PCF11: variants seen among roughly 807,000 people sequenced by gnomAD.
The protein encoded by PCF11 is pre-mRNA cleavage complex 2 protein Pcf11.
A neutral mutation model predicts 166.1 loss-of-function variants in PCF11; 19 were observed. The ratio of observed to expected loss-of-function variants is 0.11; its 90% CI spans 0.08 to 0.17. The LOEUF (loss-of-function observed/expected upper bound fraction) is 0.17. Among genes scored for constraint, PCF11 ranks in the 10% least tolerant of loss-of-function variants. The pLI is 1.00. For synonymous variants in PCF11, 663 were observed against 644.1 expected (o/e 1.03, Z -0.44); for missense variants, 1,565 against 1,855.5 (o/e 0.84, Z 2.88).
exon 8 of PCF11, chr11:83,168,609 A>G (rs1860558875): frequency 6.2e-7 from 1 of 1,614,034 alleles, no homozygotes; most frequent in East Asian, 2.2e-5. Flanking sequence ...CTAGTAGGCC[A>G]TCAGTAGCAA....
intron 9 of PCF11, 34 bp downstream of exon 9, chr11:83,171,948 C>T (rs1860704940): frequency 1.0e-6 from 1 of 994,532 alleles, no homozygotes; most frequent in African/African-American, 1.7e-5. Flanking sequence ...TTTCAAAAGA[C>T]AAATGATTAT....
At chr11:83,186,957 G>A (rs145830558) in exon 16 of PCF11, 1 of 152,388 alleles carries the variant, frequency 6.6e-6, no homozygotes, top group Non-Finnish European at 1.5e-5. Flanking sequence ...ATGGAGAAGA[G>A]GGTCAAGGAT....
intron 4 of PCF11, among the ~76,000 whole-genome samples, chr11:83,164,932 TATAAA>T (rs1305874594): frequency 1.3e-5 from 2 of 152,214 alleles, no homozygotes; most frequent in Non-Finnish European, 2.9e-5. Flanking sequence ...ATTGCTATCT[TATAAA>T]ATAGCATCTT....
At chr11:83,173,725 T>TTTTTTTTTTTTTTTTTTTTTTTTTTTTG in intron 9 of PCF11, among the ~76,000 whole-genome samples, 1 of 101,994 alleles carries the variant, frequency 9.8e-6, no homozygotes, top group Non-Finnish European at 2.0e-5. Flanking sequence ...CTTTCTTTTT[T>TTTTTTTTTTTTTTTTTTTTTTTTTTTTG]TTTTTTTTTT....
chr11:83,173,926 T>G (rs1860786850), intron 9 of PCF11, among the ~76,000 whole-genome samples: 1 of 151,948 alleles, frequency 6.6e-6, no homozygotes, highest in Non-Finnish European at 1.5e-5. Flanking sequence ...AGGCAGAGTT[T>G]CACCATATTG....
At position 83,167,098 on chromosome 11, in the gene PCF11, T is replaced by G. The variant is rs767239432; in HGVS notation, c.1818-27T>G. The G allele has an allele frequency of 3.2e-6, 5 of 1,548,878 alleles. No individual in the cohort carries two copies. ...AGTATTTTTTAAAAAAACATTTCAA[T>G]GTAACATACTGCTTTTATGGTTTCA... On this transcript the variant is annotated intron_variant, in intron 5 of 15. Coordinates refer to ENST00000298281, the Ensembl canonical transcript of PCF11. This position sits in a 1 kb window ranked among gnomAD's most constrained non-coding sequence, Gnocchi z 4.2.
At chr11:83,171,411 C>A in intron 8 of PCF11, 1 of 368,596 alleles carries the variant, frequency 2.7e-6, no homozygotes, top group Non-Finnish European at 5.2e-6. Context: ...GTGTATAGAT[C>A]ATATTGCATT....
chr11:83,157,153 A>G (rs535265085), exon 1 of PCF11: 23 of 570,196 alleles, frequency 4.0e-5, no homozygotes, highest in East Asian at 2.6e-4. Flanking sequence ...GGTTGGGAAC[A>G]CAGACATTTT....
At chr11:83,159,472 G>C (rs1371785625) in intron 1 of PCF11, among the ~76,000 whole-genome samples, 1 of 152,070 alleles carries the variant, frequency 6.6e-6, no homozygotes, top group Non-Finnish European at 1.5e-5. Context: ...GTTTTTAATG[G>C]ATCCGGAAGA....
intron 3 of PCF11, 95 bp downstream of exon 3, chr11:83,163,962 C>G (rs1860353617): frequency 3.3e-6 from 2 of 601,258 alleles, no homozygotes; most frequent in Non-Finnish European, 5.5e-6. Context: ...AAATAGAATA[C>G]TCGGTAGTGA....
exon 8 of PCF11, chr11:83,168,476 A>G: frequency 6.2e-7 from 1 of 1,611,982 alleles, no homozygotes; most frequent in Non-Finnish European, 8.5e-7. Flanking sequence ...TTTCCACTTA[A>G]GCGACCTCGA....
intron 14 of PCF11, 79 bp downstream of exon 14, chr11:83,182,570 G>A (rs1177776893): frequency 2.5e-5 from 18 of 711,170 alleles, no homozygotes; most frequent in African/African-American, 1.3e-4. Flanking sequence ...GAAAGGAGGC[G>A]GTTCATAATA....
chr11:83,160,316 CCT>C, intron 1 of PCF11, among the ~76,000 whole-genome samples: 1 of 136,014 alleles, frequency 7.4e-6, no homozygotes, highest in South Asian at 2.3e-4. Context: ...ATGGGGATAA[CCT>C]AAGTTTTTTT....
At position 83,167,203 on chromosome 11, in the gene PCF11, A is replaced by G. The variant is rs774029285; in HGVS notation, c.1896A>G (p.Leu632=). 1.2e-6 allele frequency: 2 copies of G among 1,613,722 alleles called. No individual in the cohort carries two copies. The highest frequency in any genetic ancestry group is 1.7e-6 in the Non-Finnish European group (2 of 1,179,654). The stretch of plus-strand genomic sequence containing the variant: ...GCTGGTCAAGCACTAAAGGAATTTT[A>G]TCACCTCGAGCCCCAAAGCAGCAAC... The change falls in exon 6 of 16, where the codon TTA becomes TTG. Residue 632 remains leucine, a synonymous_variant. Transcript: ENST00000298281. This position sits in a 1 kb window ranked among gnomAD's most constrained non-coding sequence, Gnocchi z 4.2.
At chr11:83,177,150 A>G in exon 10 of PCF11, 1 of 1,580,822 alleles carries the variant, frequency 6.3e-7, no homozygotes, top group Non-Finnish European at 8.6e-7. Context: ...ATTGTTTTCA[A>G]AATTGCTAAA....
intron 15 of PCF11, among the ~76,000 whole-genome samples, chr11:83,183,869 G>A (rs908951131): frequency 6.6e-6 from 1 of 152,004 alleles, no homozygotes; most frequent in South Asian, 2.1e-4. Flanking sequence ...TCAAATGGTC[G>A]GCTGGGCGTG....
At chr11:83,169,733 G>C (rs778408944) in exon 8 of PCF11, 6 of 1,613,848 alleles carry the variant, frequency 3.7e-6, no homozygotes, top group Non-Finnish European at 5.1e-6. Context: ...AATCAGACTG[G>C]TCCATATAAT....
intron 2 of PCF11, 101 bp from the exon 3 acceptor site, chr11:83,163,578 A>G (rs1393290292): frequency 9.4e-6 from 4 of 426,470 alleles, no homozygotes; most frequent in African/African-American, 8.2e-5. Flanking sequence ...TGGGTAGTAC[A>G]GTTCTGTATG....
At chr11:83,164,059 G>A (rs1452144811) in intron 3 of PCF11, 148 bp from the exon 4 acceptor site, 22 of 615,524 alleles carry the variant, frequency 3.6e-5, no homozygotes, top group Non-Finnish European at 6.1e-5. Context: ...TAGGTATTAT[G>A]TAACATTTAT....
Sources: allele counts gnomAD v4.1 joint callset (sites outside exome capture counted in the v4.1 genomes callset), GRCh38; gene constraint gnomAD v4.1.1; non-coding constraint Gnocchi (gnomAD v3.1); transcripts MANE v1.5; gene names NCBI Gene and HGNC (gene_info 2026-07-23, HGNC 2026-07-21).